The following FBXO36 variants were observed in gnomAD, a reference collection of about 807,000 sequenced individuals.
FBXO36 encodes F-box protein 36.
In FBXO36, 18 loss-of-function variants were observed where a neutral mutation model predicts 17.0. The observed-to-expected ratio is 1.06, with a 90% confidence interval of 0.73 to 1.57. FBXO36 has a LOEUF of 1.57. Ranked by LOEUF, FBXO36 falls within the 40% of genes most tolerant of loss-of-function variation. FBXO36 has a pLI of 0.00. For missense variants in FBXO36, 229 were observed against 221.9 expected (o/e 1.03, Z -0.20); for synonymous variants, 83 against 85.3 (o/e 0.97, Z 0.15).
chr2:229,994,235 A>C (rs2077313315), intron 2 of FBXO36, among the ~76,000 whole-genome samples: 1 of 152,170 alleles, frequency 6.6e-6, no homozygotes, highest in Non-Finnish European at 1.5e-5. Context: ...GCTGGTGGGC[A>C]GAGGATCTTC....
chr2:230,000,267 A>T (rs1203178659), intron 3 of FBXO36, among the ~76,000 whole-genome samples: 20 of 144,014 alleles, frequency 1.4e-4, no homozygotes, highest in Non-Finnish European at 1.5e-5. Context: ...CTGAGGCAGG[A>T]TTGCTGCTTG....
At chr2:229,969,932 G>T (rs2077172898) in intron 1 of FBXO36, among the ~76,000 whole-genome samples, 1 of 152,090 alleles carries the variant, frequency 6.6e-6, no homozygotes, top group Non-Finnish European at 1.5e-5. Context: ...TGCATGAAAA[G>T]ATATTGAACA....
chr2:229,953,688 A>G (rs1302042500), intron 1 of FBXO36, among the ~76,000 whole-genome samples: 4 of 152,048 alleles, frequency 2.6e-5, no homozygotes, highest in Non-Finnish European at 5.9e-5. Context: ...AAAAAAAATA[A>G]AAAAAGATTT....
intron 2 of FBXO36, among the ~76,000 whole-genome samples, chr2:229,984,296 C>T (rs1032744251): frequency 2.6e-5 from 4 of 151,326 alleles, no homozygotes; most frequent in African/African-American, 7.3e-5. Context: ...TGCAGTGAGC[C>T]GAGATCATGC....
intron 1 of FBXO36, among the ~76,000 whole-genome samples, chr2:229,974,510 T>G (rs893524318): frequency 1.3e-5 from 2 of 152,166 alleles, no homozygotes; most frequent in African/African-American, 4.8e-5. Flanking sequence ...TAATTTTTCC[T>G]TGATGAAATG....
chr2:229,965,674 C>G (rs1016418824), intron 1 of FBXO36, among the ~76,000 whole-genome samples: 4 of 152,020 alleles, frequency 2.6e-5, no homozygotes, highest in Admixed American at 1.3e-4. Context: ...TGGTTTCCAG[C>G]TTCATCCATG....
chr2:229,957,304 C>A (rs537131601), intron 1 of FBXO36, among the ~76,000 whole-genome samples: 8 of 152,144 alleles, frequency 5.3e-5, no homozygotes, highest in Non-Finnish European at 1.2e-4. Flanking sequence ...AGGCCGGGCA[C>A]GGTGGCTCAT....
chr2:229,974,555 C>T (rs1310122657), intron 1 of FBXO36, among the ~76,000 whole-genome samples: 1 of 152,138 alleles, frequency 6.6e-6, no homozygotes, highest in African/African-American at 2.4e-5. Context: ...ACAGATTGTA[C>T]AGGCATCTCT....
At chr2:229,926,078 TAAGGAGTTTC>T (rs926114280) in intron 1 of FBXO36, among the ~76,000 whole-genome samples, 1 of 143,694 alleles carries the variant, frequency 7.0e-6, no homozygotes, top group Non-Finnish European at 1.5e-5. Flanking sequence ...TTGCTTGAAC[TAAGGAGTTTC>T]AGACCAGCCT....
Position 229,950,923 on chromosome 2 carries a change from ATTATTTTATT to A in FBXO36, c.97-25300_97-25291del, listed in dbSNP as rs370225121. Reference sequence around the variant, plus strand: ...AGGCATGCGCCATTATGCCCCACTAATTATTTTATTTTATTTTATTTTATTTTTGAGACGG... The same window carrying A: ...AGGCATGCGCCATTATGCCCCACTAATTATTTTATTTTATTTTTGAGACGG... On this transcript the variant is annotated intron_variant, in intron 1 of 3. Coordinates refer to ENST00000283946, the MANE Select transcript of FBXO36 (RefSeq NM_174899.5). Among the ~76,000 whole-genome samples the A allele has an allele frequency of 8.4e-3, 1,273 of 151,256 alleles. 25 individuals are homozygous for A. The highest frequency in any genetic ancestry group is 0.03 in the African/African-American group (1,236 of 41,054).
chr2:229,925,051 A>C (rs189665279), intron 1 of FBXO36, among the ~76,000 whole-genome samples: 73 of 151,034 alleles, frequency 4.8e-4, no homozygotes, highest in African/African-American at 1.8e-3. Flanking sequence ...TTTTTAAGAA[A>C]TCTTTCCCAC....
intron 1 of FBXO36, among the ~76,000 whole-genome samples, chr2:229,938,373 C>T (rs1282467979): frequency 1.5e-5 from 2 of 133,408 alleles, no homozygotes; most frequent in African/African-American, 5.8e-5. Context: ...AGGCACCCGC[C>T]ATCATGCCCG....
chr2:229,975,951 A>G (rs985411160), intron 1 of FBXO36, among the ~76,000 whole-genome samples: 1 of 151,314 alleles, frequency 6.6e-6, no homozygotes. Context: ...CAAGTGATCC[A>G]CCCACCTCGG....
chr2:229,969,921 A>G (rs1246913833), intron 1 of FBXO36, among the ~76,000 whole-genome samples: 2 of 152,178 alleles, frequency 1.3e-5, no homozygotes, highest in Admixed American at 6.6e-5. Context: ...TGGCAGATAA[A>G]TGCATGAAAA....
chr2:229,936,132 G>A (rs186269580), intron 1 of FBXO36, among the ~76,000 whole-genome samples: 1 of 152,016 alleles, frequency 6.6e-6, no homozygotes, highest in African/African-American at 2.4e-5. Context: ...GCAGTGAACC[G>A]AGGTCACGCA....
intron 2 of FBXO36, among the ~76,000 whole-genome samples, chr2:229,987,801 TG>T (rs1218096646): frequency 6.6e-6 from 1 of 152,080 alleles, no homozygotes; most frequent in Non-Finnish European, 1.5e-5. Flanking sequence ...TGGATAATTT[TG>T]TAGAGACAGG....
chr2:229,930,451 C>G (rs933021958), intron 1 of FBXO36, among the ~76,000 whole-genome samples: 14 of 152,166 alleles, frequency 9.2e-5, no homozygotes, highest in African/African-American at 3.1e-4. Context: ...TCCCTCTTCC[C>G]TTAAGAGAGA....
At chr2:229,936,077 A>G (rs2076962312) in intron 1 of FBXO36, among the ~76,000 whole-genome samples, 1 of 152,184 alleles carries the variant, frequency 6.6e-6, no homozygotes, top group South Asian at 2.1e-4. Flanking sequence ...AATCCCAGCT[A>G]CTTGGGAGGC....
chr2:229,948,500 G>A (rs1056352121), intron 1 of FBXO36, among the ~76,000 whole-genome samples: 6 of 135,756 alleles, frequency 4.4e-5, no homozygotes, highest in African/African-American at 8.3e-5. Flanking sequence ...ACTTTTAGCC[G>A]AACACTTGGG....
Sources: allele counts gnomAD v4.1 joint callset (sites outside exome capture counted in the v4.1 genomes callset), GRCh38; gene constraint gnomAD v4.1.1; transcripts MANE v1.5; gene names NCBI Gene and HGNC (gene_info 2026-07-23, HGNC 2026-07-21).